The following SYT1 variants were observed in gnomAD, a reference collection of about 807,000 sequenced individuals.
SYT1 encodes synaptotagmin-1.
Under a neutral mutation model 44.8 loss-of-function variants are expected in SYT1, and 8 were observed. The observed-to-expected ratio is 0.18, with a 90% CI of 0.10 to 0.32. The LOEUF is 0.32. SYT1 is among the 10% of genes least tolerant of loss of function. SYT1 has a pLI of 1.00. For synonymous variants in SYT1, 154 were observed against 188.8 expected (o/e 0.82, Z 1.51); for missense variants, 286 against 509.3 (o/e 0.56, Z 4.22).
intron 8 of SYT1, among the ~76,000 whole-genome samples, chr12:79,327,870 A>G (rs1881674286): frequency 6.6e-6 from 1 of 152,156 alleles, no homozygotes; most frequent in Non-Finnish European, 1.5e-5. Context: ...GCATTGGAAC[A>G]TGTAAAGAAC....
At chr12:79,208,554 C>T (rs1874256941) in intron 3 of SYT1, among the ~76,000 whole-genome samples, 2 of 151,998 alleles carry the variant, frequency 1.3e-5, no homozygotes, top group South Asian at 4.2e-4. Flanking sequence ...AGAAGAGAGG[C>T]AGACAGGAGA....
chr12:79,120,990 C>T (rs570275438), intron 3 of SYT1, among the ~76,000 whole-genome samples: 1 of 150,356 alleles, frequency 6.7e-6, no homozygotes, highest in Non-Finnish European at 1.5e-5. Context: ...TATATATATA[C>T]ACACACACAT....
intron 4 of SYT1, among the ~76,000 whole-genome samples, chr12:79,262,079 A>G (rs1877859798): frequency 6.6e-6 from 1 of 152,192 alleles, no homozygotes; most frequent in East Asian, 1.9e-4. Flanking sequence ...ACCCGTGTGC[A>G]TTGCTTTGTA....
intron 4 of SYT1, among the ~76,000 whole-genome samples, chr12:79,250,773 G>C (rs908015441): frequency 6.6e-6 from 1 of 152,206 alleles, no homozygotes; most frequent in Non-Finnish European, 1.5e-5. Flanking sequence ...GAATTAAGAA[G>C]TAGCCACCTA....
At chr12:78,922,386 T>C (rs1877056000) in intron 1 of SYT1, among the ~76,000 whole-genome samples, 1 of 151,812 alleles carries the variant, frequency 6.6e-6, no homozygotes, top group African/African-American at 2.4e-5. Flanking sequence ...TTATTCAACT[T>C]TGGGCTAATA....
In SYT1 at chr12:79,421,261, A is replaced by C. The variant is rs1869095894; in HGVS notation, c.929-22812A>C. Among the ~76,000 whole-genome samples, 3 of 152,272 alleles carry C rather than the reference A, an allele frequency of 2.0e-5. No individual in the cohort carries two copies. The South Asian group carries it at 6.2e-4, about 32-fold the overall frequency. On this transcript the variant is annotated intron_variant, in intron 9 of 10. Coordinates refer to ENST00000261205, the MANE Select transcript of SYT1 (RefSeq NM_005639.3). ...AATTGATTGCTATTTTGAGTTATTA[A>C]ATTGTTTTCCCATCCATTGTGGTAG... is the stretch of plus-strand genomic sequence containing the variant.
At chr12:78,906,024 T>A (rs964184436) in intron 1 of SYT1, among the ~76,000 whole-genome samples, 12 of 152,018 alleles carry the variant, frequency 7.9e-5, no homozygotes, top group African/African-American at 2.9e-4. Context: ...TTTCAAGGAA[T>A]CTGAAGAAAT....
chr12:78,931,199 GAAAGAAAGAAAGAAAGAAAGA>G (rs1565723138), intron 1 of SYT1, among the ~76,000 whole-genome samples: 26 of 33,542 alleles, frequency 7.8e-4, no homozygotes, highest in Non-Finnish European at 1.1e-3. Context: ...AAGAAAGAAA[GAAAGAAAGAAAGAAAGAAAGA>G]AAGAAAGAAA....
At position 78,868,049 on chromosome 12, in the gene SYT1, CAGTT is replaced by C. The variant is rs141081289; in HGVS notation, c.-217+2943_-217+2946del. On this transcript the variant is annotated intron_variant, in intron 1 of 10. Transcript: ENST00000261205. Reference sequence around the variant, plus strand: ...GTTGATTTTGAGAAAATTCCCAAAACAGTTAGAGCCATCTAATCTTAAAGAACAC... The same window carrying C: ...GTTGATTTTGAGAAAATTCCCAAAACAGAGCCATCTAATCTTAAAGAACAC... 1.4e-3 allele frequency among the ~76,000 whole-genome samples: 215 copies of C among 151,964 alleles called. 1 individual carries two copies. Among genetic ancestry groups the C allele is most frequent in the African/African-American group, 4.9e-3 (205 of 41,554 alleles).
At chr12:79,428,763 A>G (rs973406415) in intron 9 of SYT1, among the ~76,000 whole-genome samples, 12 of 152,262 alleles carry the variant, frequency 7.9e-5, no homozygotes, top group East Asian at 3.9e-4. Context: ...GAAAATACCT[A>G]TTGCCTTAGT....
intron 2 of SYT1, among the ~76,000 whole-genome samples, chr12:79,010,836 A>G (rs1429610998): frequency 6.6e-6 from 1 of 152,180 alleles, no homozygotes; most frequent in Non-Finnish European, 1.5e-5. Context: ...TTTCTTCTAA[A>G]GCTAGATCCT....
At chr12:79,115,071 A>G (rs530176269) in intron 3 of SYT1, among the ~76,000 whole-genome samples, 80 of 152,296 alleles carry the variant, frequency 5.3e-4, no homozygotes, top group African/African-American at 1.9e-3. Context: ...TTATTCTGTT[A>G]TGCCTCATAA....
At chr12:79,151,905 T>C (rs1350773232) in intron 3 of SYT1, among the ~76,000 whole-genome samples, 4 of 152,104 alleles carry the variant, frequency 2.6e-5, no homozygotes, top group South Asian at 2.1e-4. Context: ...ATCAGCAAAG[T>C]TGAATGTCAA....
At position 79,126,381 on chromosome 12, in the gene SYT1, C is replaced by T. The variant is rs572410903; in HGVS notation, c.-18+79019C>T. 1.9e-4 allele frequency among the ~76,000 whole-genome samples: 29 copies of T among 152,318 alleles called. No individual in the cohort carries two copies. In the South Asian group the frequency reaches 5.8e-3, roughly 30 times the overall value. On this transcript the variant is annotated intron_variant, in intron 3 of 10. Transcript: ENST00000261205. ...GTTCAAACAATTCTCCTGCCTCAGC[C>T]TCCAGAGTAGCTGGGATTGCAGGCA...
At chr12:79,163,300 A>C (rs1871058231) in intron 3 of SYT1, among the ~76,000 whole-genome samples, 1 of 152,080 alleles carries the variant, frequency 6.6e-6, no homozygotes, top group South Asian at 2.1e-4. Context: ...GATCATAGAG[A>C]ACATTCTCTT....
At chr12:79,361,845 G>A (rs1883327918) in intron 9 of SYT1, among the ~76,000 whole-genome samples, 1 of 152,192 alleles carries the variant, frequency 6.6e-6, no homozygotes. Context: ...GCCTTTTAGA[G>A]ATTAAAGAAA....
At chr12:78,883,013 G>T (rs1874540584) in intron 1 of SYT1, among the ~76,000 whole-genome samples, 2 of 151,604 alleles carry the variant, frequency 1.3e-5, no homozygotes, top group East Asian at 3.9e-4. Flanking sequence ...ATAAAGTAGA[G>T]ATTGTTACTG....
chr12:79,380,112 G>A (rs1884155329), intron 9 of SYT1, among the ~76,000 whole-genome samples: 1 of 152,104 alleles, frequency 6.6e-6, no homozygotes, highest in Admixed American at 6.5e-5. Context: ...TTCTTTTGAA[G>A]ATTAACCAGA....
At chr12:79,216,483 C>T (rs10861698) in intron 3 of SYT1, among the ~76,000 whole-genome samples, 107,553 of 152,064 alleles carry the variant, frequency 0.71, 38,561 homozygotes, top group African/African-American at 0.78. Flanking sequence ...TTTCTACTCC[C>T]TTAGAATACC....
Sources: gnomAD v4.1 joint callset for allele counts (sites outside exome capture counted in the v4.1 genomes callset) on GRCh38, gnomAD v4.1.1 for gene constraint, MANE v1.5 for transcripts, NCBI Gene and HGNC (gene_info 2026-07-23, HGNC 2026-07-21) for gene names.